The following CLEC5A variants were observed in gnomAD, a reference collection of about 807,000 sequenced individuals.
CLEC5A encodes C-type lectin domain containing 5A.
CLEC5A carries 15 observed loss-of-function variants against 24.4 expected under a neutral mutation model. The ratio of observed to expected loss-of-function variants is 0.62; its 90% CI spans 0.41 to 0.95. The LOEUF (loss-of-function observed/expected upper bound fraction) is 0.95, where lower values mean the gene tolerates loss of function less well. CLEC5A is among the 40% of genes least tolerant of loss of function. CLEC5A has a pLI of 0.00. For missense variants in CLEC5A, 211 were observed against 224.0 expected (o/e 0.94, Z 0.37); for synonymous variants, 71 against 72.6 (o/e 0.98, Z 0.11).
rs1277780638 is a variant in CLEC5A at position 141,928,760 on chromosome 7, C to G, written c.*1344G>C. ...TTTGGTATACATACAATGACATGTACAGTCATTACTGTGCTACATTGTTAT... is the reference window on the plus strand; with the variant it reads ...TTTGGTATACATACAATGACATGTAGAGTCATTACTGTGCTACATTGTTAT... On this transcript the variant is annotated 3_prime_UTR_variant, in exon 7 of 7. Coordinates refer to ENST00000546910, the MANE Select transcript of CLEC5A (RefSeq NM_013252.3). 2 of 152,156 alleles carry G rather than the reference C, an allele frequency of 1.3e-5. No homozygotes were observed. Among genetic ancestry groups the G allele is most frequent in the Admixed American group, 1.3e-4 (2 of 15,274 alleles). The allele number at this position is 152,156 out of a possible 1,614,324, so 9.4% of individuals were successfully genotyped here. A position where few individuals can be genotyped will look rare whatever the true frequency, so the allele number is the denominator to read the frequency against.
At position 141,931,768 on chromosome 7, in the gene CLEC5A, C is replaced by T. The variant is rs151000385; in HGVS notation, c.404G>A (p.Arg135His). The T allele has an allele frequency of 1.9e-5, 31 of 1,608,260 alleles. No homozygotes were observed. The highest frequency in any genetic ancestry group is 4.5e-5 in the East Asian group (2 of 44,824). Reference protein sequence around the residue: ...EKYFIGLIYHREEKRWRWINN... With the variant: ...EKYFIGLIYHHEEKRWRWINN... ...GATCCAACGCCACCTTTTCTCTTCA[C>T]GATGGTAAATTAAGCCAATAAAATA... Residue 135 changes from arginine (R) to histidine (H), a missense_variant, in exon 6 of 7, where the codon CGT (arginine) becomes CAT (histidine). Physicochemically the swap from Arg to His is conservative, Grantham distance 29 (BLOSUM62 0). Coordinates refer to ENST00000546910, the MANE Select transcript of CLEC5A (RefSeq NM_013252.3).
intron 5 of CLEC5A, among the ~76,000 whole-genome samples, chr7:141,934,970 T>A (rs548664270): frequency 7.0e-4 from 106 of 152,278 alleles, no homozygotes; most frequent in African/African-American, 2.4e-3. Flanking sequence ...TCCTTTCCTC[T>A]TTTCATTCCC....
Position 141,930,070 on chromosome 7 carries a change from T to C in CLEC5A, c.*34A>G. 1 of 1,519,100 alleles carries C rather than the reference T, an allele frequency of 6.6e-7. No homozygotes were observed. The allele number at this position is 1,519,100 out of a possible 1,614,324, so 94.1% of individuals were successfully genotyped here. A position where few individuals can be genotyped will look rare whatever the true frequency, so the allele number is the denominator to read the frequency against. On this transcript the variant is annotated 3_prime_UTR_variant, in exon 7 of 7. Coordinates refer to ENST00000546910, the MANE Select transcript of CLEC5A (RefSeq NM_013252.3). ...ACGACCTGTATGGATTCAAAAAGAGTTGCAAGTATAGTTCTTGTCACAGGG... is the reference window on the plus strand; with the variant it reads ...ACGACCTGTATGGATTCAAAAAGAGCTGCAAGTATAGTTCTTGTCACAGGG...
Position 141,927,764 on chromosome 7 carries a change from GAAA to G in CLEC5A, c.*2337_*2339del, listed in dbSNP as rs1554439721. The G allele has an allele frequency of 2.6e-5, 4 of 152,182 alleles. No homozygotes were observed. The South Asian group carries it at 8.3e-4, about 31-fold the overall frequency. 9.4% of individuals were successfully genotyped at this position (152,182 alleles called of 1,614,324 possible). A position where few individuals can be genotyped will look rare whatever the true frequency, so the allele number is the denominator to read the frequency against. On this transcript the variant is annotated 3_prime_UTR_variant, in exon 7 of 7. Transcript: ENST00000546910. ...TATTATAAATGAGTAAACAAGTTCT[GAAA>G]AATGAAGTGGCTTGCCTACATTAAG...
rs373549311 is a variant in CLEC5A, at chr7:141,935,778, G to C, written c.345+36C>G. 17 of 1,605,976 alleles carry C rather than the reference G, an allele frequency of 1.1e-5. No homozygotes were observed. The African/African-American group carries it at 1.9e-4, about 18-fold the overall frequency. ...ATCCCACCCACTGAGGCTGTGTGGA[G>C]TGTGTGGCTTTACTGTACCATTCCA... is the stretch of plus-strand genomic sequence containing the variant. On this transcript the variant is annotated intron_variant, in intron 5 of 6. Coordinates refer to ENST00000546910, the MANE Select transcript of CLEC5A (RefSeq NM_013252.3).
chr7:141,930,805 C>T (rs1006897343), intron 6 of CLEC5A, among the ~76,000 whole-genome samples: 2 of 152,192 alleles, frequency 1.3e-5, no homozygotes, highest in African/African-American at 4.8e-5. Flanking sequence ...TTTACTTGTC[C>T]TCAGTTCAAC....
intron 5 of CLEC5A, among the ~76,000 whole-genome samples, chr7:141,933,898 G>T (rs575949990): frequency 6.6e-6 from 1 of 152,032 alleles, no homozygotes; most frequent in East Asian, 1.9e-4. Context: ...AGCCGGCTGC[G>T]CAGCTGTGAA....
At chr7:141,941,230 C>T (rs1412883334) in intron 4 of CLEC5A, among the ~76,000 whole-genome samples, 5 of 151,962 alleles carry the variant, frequency 3.3e-5, no homozygotes, top group South Asian at 2.1e-4. Context: ...TCATTCATCA[C>T]GACCAAGTGA....
intron 6 of CLEC5A, among the ~76,000 whole-genome samples, chr7:141,931,328 C>T (rs1467666482): frequency 6.6e-6 from 1 of 152,122 alleles, no homozygotes; most frequent in Non-Finnish European, 1.5e-5. Context: ...TGGCTAGCAT[C>T]CAGTCTAGAC....
intron 4 of CLEC5A, among the ~76,000 whole-genome samples, chr7:141,937,026 G>T (rs1255804692): frequency 1.3e-5 from 2 of 152,100 alleles, no homozygotes; most frequent in Non-Finnish European, 2.9e-5. Flanking sequence ...GCTGATGAAA[G>T]AATTCTTGGG....
chr7:141,935,732 ACTCCCC>A (rs1245807688), intron 5 of CLEC5A, 76 bp downstream of exon 5: 1 of 1,131,712 alleles, frequency 8.8e-7, no homozygotes, highest in Non-Finnish European at 1.2e-6. Context: ...TCCCATCCCC[ACTCCCC>A]CAAGTTTCTA....
chr7:141,940,222 A>G (rs2128961844), intron 4 of CLEC5A, among the ~76,000 whole-genome samples: 2 of 152,286 alleles, frequency 1.3e-5, no homozygotes, highest in Non-Finnish European at 2.9e-5. Flanking sequence ...AAAAATTGAA[A>G]TAATATTAAA....
chr7:141,930,740 G>A (rs1397264844), intron 6 of CLEC5A, among the ~76,000 whole-genome samples: 2 of 152,214 alleles, frequency 1.3e-5, no homozygotes, highest in Non-Finnish European at 2.9e-5. Context: ...CTCTGGTTTC[G>A]GAGAAATGTC....
chr7:141,941,907 C>T (rs1213888863), intron 4 of CLEC5A, among the ~76,000 whole-genome samples: 3 of 151,972 alleles, frequency 2.0e-5, no homozygotes, highest in Admixed American at 2.0e-4. Flanking sequence ...AACTATAAAA[C>T]ATGGACAAAA....
At chr7:141,938,920 A>T (rs1802707295) in intron 4 of CLEC5A, among the ~76,000 whole-genome samples, 1 of 152,218 alleles carries the variant, frequency 6.6e-6, no homozygotes, top group African/African-American at 2.4e-5. Context: ...TCTGATGAAA[A>T]TATCCTTCAA....
At chr7:141,941,065 C>T (rs962266974) in intron 4 of CLEC5A, among the ~76,000 whole-genome samples, 5 of 152,154 alleles carry the variant, frequency 3.3e-5, no homozygotes, top group East Asian at 3.9e-4. Flanking sequence ...GGGAATACTT[C>T]GAAATTTATT....
chr7:141,930,132 C>G lies in CLEC5A; in HGVS notation c.539G>C (p.Arg180Pro). Residue 180 changes from arginine to proline, a missense_variant, in exon 7 of 7, where the codon CGC becomes CCC. Arg to Pro is a moderately radical substitution (Grantham distance 103). Transcript: ENST00000546910. ...FDAASCDISY[R>P]RICEKNAK The stretch of plus-strand genomic sequence containing the variant: ...TTTGGCATTCTTCTCACAGATCCTG[C>G]GGTAGCTGATGTCACATGATGCAGC... The G allele has an allele frequency of 6.2e-7, 1 of 1,613,940 alleles. No homozygotes were observed. Among genetic ancestry groups the G allele is most frequent in the South Asian group, 1.1e-5 (1 of 91,076 alleles).
chr7:141,946,365 C>T (rs1298266650), intron 1 of CLEC5A, 53 bp from the exon 2 acceptor site: 34 of 1,480,220 alleles, frequency 2.3e-5, no homozygotes, highest in Non-Finnish European at 3.1e-5. Flanking sequence ...GGCTGCTTTT[C>T]ACTAGGACAT....
chr7:141,929,993 G>A lies in CLEC5A; in HGVS notation c.*111C>T. On this transcript the variant is annotated 3_prime_UTR_variant, in exon 7 of 7. Transcript: ENST00000546910. ...GAAAGAAGCTCAGTTTCCCAAATGG[G>A]CAAGGACCGCTACTGGTAGACAGAT... The A allele has an allele frequency of 1.3e-6, 1 of 766,242 alleles. No individual in the cohort carries two copies. Among genetic ancestry groups the A allele is most frequent in the South Asian group, 1.8e-5 (1 of 55,422 alleles). The allele number at this position is 766,242 out of a possible 1,614,324, so 47.5% of individuals were successfully genotyped here.
Sources: gnomAD v4.1 joint callset for allele counts (sites outside exome capture counted in the v4.1 genomes callset) on GRCh38, gnomAD v4.1.1 for gene constraint, MANE v1.5 for transcripts, NCBI Gene and HGNC (gene_info 2026-07-23, HGNC 2026-07-21) for gene names.